Variants in LRIG1 observed in about 807,000 individuals in gnomAD.
LRIG1 encodes the protein leucine rich repeats and immunoglobulin like domains 1.
A neutral mutation model predicts 99.2 loss-of-function variants in LRIG1; 48 were observed. That is an observed-to-expected ratio of 0.48 (90% CI 0.38 to 0.62). The LOEUF is 0.62. Ranked by LOEUF, LRIG1 falls within the 20% of genes least tolerant of loss-of-function variation. LRIG1 has a pLI of 0.00. For missense variants in LRIG1, 1,646 were observed against 1,434.4 expected, an observed-to-expected ratio of 1.15 and a Z score of -2.38; for synonymous variants, 772 against 596.1, an observed-to-expected ratio of 1.29 and a Z score of -4.30.
chr3:66,500,316 AC>A lies in LRIG1; in HGVS notation c.91del (p.Val31Ter). 6.7e-7 allele frequency: 1 copy of A among 1,481,974 alleles called. No individual in the cohort carries two copies. Among genetic ancestry groups the A allele is most frequent in the Non-Finnish European group, 8.9e-7 (1 of 1,120,968 alleles). 91.8% of individuals were successfully genotyped at this position (1,481,974 alleles called of 1,614,324 possible). A position where few individuals can be genotyped will look rare whatever the true frequency, so the allele number is the denominator to read the frequency against. ...CGCCCGCGGGCCGGCCGCGGCGGTC[AC>A]CGGCTCCAGCCGAAGCAAAAGCAGC... ...LWLLLLRLEP[V>X]TAAAGPRAPC... is the part of the protein sequence containing the mutation. On this transcript the variant is annotated frameshift_variant, in exon 1 of 19. Coordinates refer to ENST00000273261, the MANE Select transcript of LRIG1 (RefSeq NM_015541.3). LOFTEE classifies it high-confidence loss of function.
intron 3 of LRIG1, among the ~76,000 whole-genome samples, chr3:66,436,700 C>G (rs1383523385): frequency 6.6e-6 from 1 of 152,074 alleles, no homozygotes; most frequent in African/African-American, 2.4e-5. Flanking sequence ...CCTGTGGTAG[C>G]GAAGTCTAAA....
intron 9 of LRIG1, among the ~76,000 whole-genome samples, chr3:66,401,055 A>T (rs1462734633): frequency 6.6e-6 from 1 of 152,182 alleles, no homozygotes; most frequent in Non-Finnish European, 1.5e-5. Flanking sequence ...CCCTCAGACA[A>T]AGCCAGCTCT....
At chr3:66,397,144 T>G (rs1218077765) in intron 11 of LRIG1, among the ~76,000 whole-genome samples, 12 of 152,206 alleles carry the variant, frequency 7.9e-5, no homozygotes, top group African/African-American at 2.9e-4. Flanking sequence ...GCTCACAGCA[T>G]GCTGAACATC....
At chr3:66,414,391 C>G (rs72906705) in intron 5 of LRIG1, among the ~76,000 whole-genome samples, 2,220 of 149,156 alleles carry the variant, frequency 0.015, 59 homozygotes, top group African/African-American at 0.051. Context: ...GCGAGACTGT[C>G]GCAAAAAAAA....
intron 3 of LRIG1, among the ~76,000 whole-genome samples, chr3:66,428,585 A>C (rs1469877433): frequency 6.6e-6 from 1 of 152,252 alleles, no homozygotes; most frequent in Non-Finnish European, 1.5e-5. Flanking sequence ...CCCATACAGA[A>C]CTTGAAAATT....
intron 3 of LRIG1, 130 bp from the exon 4 acceptor site, chr3:66,417,396 C>T: frequency 1.0e-6 from 1 of 955,918 alleles, no homozygotes; most frequent in Non-Finnish European, 1.6e-6. Context: ...ATGAGATCTC[C>T]TGTTTCTTTT....
At chr3:66,402,549 TTGCATGGTGGG>T (rs1702099179) in intron 9 of LRIG1, among the ~76,000 whole-genome samples, 1 of 151,968 alleles carries the variant, frequency 6.6e-6, no homozygotes, top group Admixed American at 6.6e-5. Flanking sequence ...GTCTGACCTC[TTGCATGGTGGG>T]AAGGACCCAA....
At chr3:66,410,323 T>C (rs1575669654) in intron 6 of LRIG1, 51 bp from the exon 7 acceptor site, 1 of 1,542,536 alleles carries the variant, frequency 6.5e-7, no homozygotes, top group Non-Finnish European at 8.8e-7. Flanking sequence ...CTCCCTTCAC[T>C]GGACAGACAG....
At chr3:66,455,143 TCATGTTGGC>T (rs1463041351) in intron 2 of LRIG1, among the ~76,000 whole-genome samples, 2 of 152,094 alleles carry the variant, frequency 1.3e-5, no homozygotes, top group Non-Finnish European at 1.5e-5. Flanking sequence ...CGGGGTTTCG[TCATGTTGGC>T]CAGGCTGGTC....
chr3:66,484,212 T>C lies in LRIG1; in HGVS notation c.218+15978A>G, dbSNP rs554227625. On this transcript the variant is annotated intron_variant, in intron 1 of 18. Coordinates refer to ENST00000273261, the MANE Select transcript of LRIG1 (RefSeq NM_015541.3). Reference sequence around the variant, plus strand: ...AGCCTGGGAGGTCTGAATTATTCTATCTGGCAGAGGTATTTCCACAGGACA... The same window carrying C: ...AGCCTGGGAGGTCTGAATTATTCTACCTGGCAGAGGTATTTCCACAGGACA... Among the ~76,000 whole-genome samples, 181 of 152,312 alleles carry C rather than the reference T, an allele frequency of 1.2e-3. 3 individuals are homozygous for C. Among genetic ancestry groups the C allele is most frequent in the African/African-American group, 4.3e-3 (180 of 41,562 alleles).
At chr3:66,420,583 A>G (rs956438730) in intron 3 of LRIG1, among the ~76,000 whole-genome samples, 5 of 152,274 alleles carry the variant, frequency 3.3e-5, no homozygotes, top group Non-Finnish European at 7.3e-5. Context: ...TTGTATATAC[A>G]TGCAATGAGA....
At chr3:66,451,949 G>A (rs901191687) in intron 2 of LRIG1, among the ~76,000 whole-genome samples, 2 of 152,128 alleles carry the variant, frequency 1.3e-5, no homozygotes, top group African/African-American at 4.8e-5. Flanking sequence ...GGCAGGTTCG[G>A]GACAAAAGCG....
At chr3:66,452,968 T>G (rs1375790880) in intron 2 of LRIG1, among the ~76,000 whole-genome samples, 2 of 151,862 alleles carry the variant, frequency 1.3e-5, no homozygotes, top group Non-Finnish European at 2.9e-5. Context: ...AAATAGACAA[T>G]TAATTACTTT....
chr3:66,397,992 C>A (rs1701919639), intron 11 of LRIG1, 120 bp downstream of exon 11: 2 of 806,908 alleles, frequency 2.5e-6, no homozygotes, highest in East Asian at 2.6e-5. Flanking sequence ...CTGTGGCCCA[C>A]AAAATCCAAA....
At chr3:66,488,963 G>GC (rs1701037871) in intron 1 of LRIG1, among the ~76,000 whole-genome samples, 3 of 151,944 alleles carry the variant, frequency 2.0e-5, no homozygotes. Flanking sequence ...TATTTTCCTG[G>GC]TTTTTTTTCT....
At chr3:66,493,727 C>A (rs1701156517) in intron 1 of LRIG1, among the ~76,000 whole-genome samples, 1 of 151,894 alleles carries the variant, frequency 6.6e-6, no homozygotes, top group Non-Finnish European at 1.5e-5. Flanking sequence ...GCCCACGAGG[C>A]TGAGGCTGCA....
At chr3:66,395,024 G>A (rs567218338) in intron 11 of LRIG1, among the ~76,000 whole-genome samples, 7 of 152,246 alleles carry the variant, frequency 4.6e-5, no homozygotes, top group African/African-American at 7.2e-5. Context: ...AACAGAAATC[G>A]GAATCGCCAT....
chr3:66,470,675 A>G (rs565388406), intron 1 of LRIG1, among the ~76,000 whole-genome samples: 7 of 152,192 alleles, frequency 4.6e-5, no homozygotes, highest in African/African-American at 1.2e-4. Flanking sequence ...GTTGATTTCC[A>G]TAAGAACAGA....
intron 1 of LRIG1, among the ~76,000 whole-genome samples, chr3:66,493,313 C>T (rs1297480050): frequency 6.6e-6 from 1 of 152,228 alleles, no homozygotes; most frequent in Admixed American, 6.5e-5. Flanking sequence ...CCTTCCCATA[C>T]CTGCCTCCCT....
Sources: allele counts gnomAD v4.1 joint callset (sites outside exome capture counted in the v4.1 genomes callset), GRCh38; gene constraint gnomAD v4.1.1; transcripts MANE v1.5; gene names NCBI Gene and HGNC (gene_info 2026-07-23, HGNC 2026-07-21).